Variants in FOXJ3 observed in about 807,000 individuals in gnomAD.
FOXJ3 encodes the protein forkhead box protein J3.
A neutral mutation model predicts 76.1 loss-of-function variants in FOXJ3; 22 were observed. The observed-to-expected ratio is 0.29, with a 90% CI of 0.21 to 0.41. The LOEUF (loss-of-function observed/expected upper bound fraction) is 0.41, where lower values mean the gene tolerates loss of function less well. Ranked by LOEUF, FOXJ3 falls within the 10% of genes least tolerant of loss-of-function variation. The probability of loss-of-function intolerance (pLI) is 1.00; values close to 1 mark genes in which losing one functional copy is unlikely to be tolerated. For missense variants in FOXJ3, 613 were observed against 762.1 expected (o/e 0.80, Z 2.30); for synonymous variants, 269 against 261.2 (o/e 1.03, Z -0.29).
At chr1:42,324,113 C>CTG (rs1557726027) in intron 1 of FOXJ3, among the ~76,000 whole-genome samples, 7 of 1,894 alleles carry the variant, frequency 3.7e-3, no homozygotes, top group Admixed American at 8.6e-3. Flanking sequence ...TGTATATACA[C>CTG]TGTATATACA....
chr1:42,285,200 C>T (rs1017765526), intron 2 of FOXJ3, among the ~76,000 whole-genome samples: 35 of 152,052 alleles, frequency 2.3e-4, no homozygotes, highest in Non-Finnish European at 4.9e-4. Context: ...GTTTGCTGCA[C>T]AGATCAAACC....
At chr1:42,316,349 T>TTTTC (rs1553169820) in intron 1 of FOXJ3, among the ~76,000 whole-genome samples, 7 of 135,090 alleles carry the variant, frequency 5.2e-5, no homozygotes, top group Non-Finnish European at 9.8e-5. Context: ...TTTTTTTTTT[T>TTTTC]CTGTAGAAAC....
At chr1:42,318,625 G>A (rs945513307) in intron 1 of FOXJ3, among the ~76,000 whole-genome samples, 7 of 152,132 alleles carry the variant, frequency 4.6e-5, no homozygotes, top group Non-Finnish European at 8.8e-5. Flanking sequence ...GATTACAGGC[G>A]TGAGCCACTG....
chr1:42,324,045 T>C (rs1351882232), intron 1 of FOXJ3, among the ~76,000 whole-genome samples: 4 of 35,660 alleles, frequency 1.1e-4, no homozygotes, highest in African/African-American at 3.9e-4. Context: ...ACACTATATA[T>C]AGTATATACA....
intron 5 of FOXJ3, among the ~76,000 whole-genome samples, chr1:42,218,766 C>CA (rs1415626498): frequency 6.6e-6 from 1 of 152,174 alleles, no homozygotes; most frequent in Admixed American, 6.5e-5. Flanking sequence ...AAATGGCTTA[C>CA]AAAGCCCTGC....
chr1:42,236,842 A>G (rs547330255), intron 4 of FOXJ3, among the ~76,000 whole-genome samples: 1 of 152,206 alleles, frequency 6.6e-6, no homozygotes, highest in East Asian at 1.9e-4. Flanking sequence ...TTTCAATTAT[A>G]CCCTCTCTAC....
rs372432872 is a variant in FOXJ3 at position 42,178,441 on chromosome 1, G to T, written c.*1269C>A. 7.9e-5 allele frequency: 12 copies of T among 152,354 alleles called. No homozygotes were observed. The highest frequency in any genetic ancestry group is 2.9e-4 in the African/African-American group (12 of 41,582). The allele number at this position is 152,354 out of a possible 1,614,324, so 9.4% of individuals were successfully genotyped here. ...ACATGGTAAAAGGAGTGATGATAGA[G>T]AATGACACAATGTCTCTCTGAGTGT... is the stretch of plus-strand genomic sequence containing the variant. On this transcript the variant is annotated 3_prime_UTR_variant, in exon 13 of 13. Transcript: ENST00000361346.
At chr1:42,227,253 T>C (rs1021642070) in intron 5 of FOXJ3, among the ~76,000 whole-genome samples, 2 of 152,218 alleles carry the variant, frequency 1.3e-5, no homozygotes, top group African/African-American at 2.4e-5. Flanking sequence ...TGTGTTTGTA[T>C]GTTTTAGTTG....
intron 1 of FOXJ3, among the ~76,000 whole-genome samples, chr1:42,330,810 A>C (rs564336754): frequency 1.3e-5 from 2 of 152,206 alleles, no homozygotes; most frequent in Admixed American, 1.3e-4. Context: ...CCAATTACTT[A>C]AGTGTACAAC....
intron 4 of FOXJ3, among the ~76,000 whole-genome samples, chr1:42,251,640 G>C (rs968783944): frequency 1.3e-5 from 2 of 151,088 alleles, no homozygotes; most frequent in African/African-American, 2.4e-5. Context: ...TTGCATCCCA[G>C]GGATGAAGCC....
At chr1:42,260,030 T>C (rs1366118808) in intron 4 of FOXJ3, among the ~76,000 whole-genome samples, 1 of 152,228 alleles carries the variant, frequency 6.6e-6, no homozygotes, top group African/African-American at 2.4e-5. Flanking sequence ...TTGCTTATCC[T>C]TCAGTCCTAC....
At chr1:42,260,703 G>C (rs1290369676) in intron 4 of FOXJ3, among the ~76,000 whole-genome samples, 2 of 152,118 alleles carry the variant, frequency 1.3e-5, no homozygotes, top group African/African-American at 4.8e-5. Flanking sequence ...TCACAATCCT[G>C]TAAGTTTCAA....
intron 2 of FOXJ3, among the ~76,000 whole-genome samples, chr1:42,307,637 T>C (rs917541407): frequency 6.6e-6 from 1 of 152,198 alleles, no homozygotes; most frequent in Non-Finnish European, 1.5e-5. Context: ...GTGACTTTTG[T>C]TGAAATGCAA....
At chr1:42,277,963 C>T (rs952571345) in intron 3 of FOXJ3, among the ~76,000 whole-genome samples, 6 of 133,404 alleles carry the variant, frequency 4.5e-5, no homozygotes, top group Admixed American at 8.5e-5. Context: ...GGCGTCAGAG[C>T]GAGACTCCAT....
chr1:42,311,353 G>A (rs1393009), intron 1 of FOXJ3, among the ~76,000 whole-genome samples: 111,881 of 152,070 alleles, frequency 0.74, 41,319 homozygotes, highest in Admixed American at 0.81. Flanking sequence ...ATCAGGAAGC[G>A]TAACAGAAAT....
intron 5 of FOXJ3, among the ~76,000 whole-genome samples, chr1:42,226,621 T>A (rs894655316): frequency 6.6e-6 from 1 of 151,362 alleles, no homozygotes; most frequent in East Asian, 1.9e-4. Context: ...AAAAAAAAAA[T>A]TTTGTCTAGC....
intron 1 of FOXJ3, among the ~76,000 whole-genome samples, chr1:42,324,104 G>GTGTATATATACTGTATATATACACTA (rs776964079): frequency 9.0e-5 from 8 of 88,946 alleles, no homozygotes; most frequent in South Asian, 6.8e-4. Flanking sequence ...TATATACTGT[G>GTGTATATATACTGTATATATACACTA]TATATACACT....
intron 5 of FOXJ3, chr1:42,206,121 T>G: frequency 2.7e-6 from 1 of 375,800 alleles, no homozygotes; most frequent in East Asian, 4.9e-5. Flanking sequence ...ACAAATAAAC[T>G]TCTGTAGTGA....
intron 2 of FOXJ3, among the ~76,000 whole-genome samples, chr1:42,299,809 G>A (rs927386006): frequency 6.6e-6 from 1 of 152,112 alleles, no homozygotes; most frequent in South Asian, 2.1e-4. Context: ...TTGGGAAGCT[G>A]AGGCAGGAGA....
Sources: gnomAD v4.1 joint callset for allele counts (sites outside exome capture counted in the v4.1 genomes callset) on GRCh38, gnomAD v4.1.1 for gene constraint, MANE v1.5 for transcripts, NCBI Gene and HGNC (gene_info 2026-07-23, HGNC 2026-07-21) for gene names.